Variants in MLXIPL observed in about 807,000 individuals in gnomAD.
MLXIPL encodes the protein carbohydrate-responsive element-binding protein.
A neutral mutation model predicts 81.5 loss-of-function variants in MLXIPL; 49 were observed. The observed-to-expected ratio is 0.60, with a 90% CI of 0.48 to 0.76. The LOEUF is 0.76. MLXIPL is among the 30% of genes least tolerant of loss of function. The pLI is 0.00. For synonymous variants in MLXIPL, 466 were observed against 485.5 expected (o/e 0.96, Z 0.53); for missense variants, 1,053 against 1,167.0 (o/e 0.90, Z 1.42).
chr7:73,639,434 G>A, the MLXIPL span, among the ~76,000 whole-genome samples: 4 of 152,166 alleles, frequency 2.6e-5, no homozygotes, highest in African/African-American at 9.7e-5. Flanking sequence ...GATACATTTT[G>A]ATAAATCCCT....
the MLXIPL span, among the ~76,000 whole-genome samples, chr7:73,629,974 T>TTTA: frequency 0.034 from 4,847 of 143,598 alleles, 94 homozygotes; most frequent in Non-Finnish European, 0.044. Flanking sequence ...TTTTTATTAT[T>TTTA]TTTATTTATT....
rs139124828 is a variant in MLXIPL at position 73,617,769 on chromosome 7, C to A, written c.294-1592G>T. ...GCGAGGTCAGAGGATTTCTTCAGCC[C>A]GGGAGTTTGAGGCTACAGTGAGCTA... On this transcript the variant is annotated intron_variant, in intron 1 of 16. Transcript: ENST00000313375. 8.0e-3 allele frequency among the ~76,000 whole-genome samples: 1,223 copies of A among 151,988 alleles called. 6 individuals carry two copies. The highest frequency in any genetic ancestry group is 0.012 in the Non-Finnish European group (820 of 67,970).
chr7:73,605,523 G>A (rs1795203980), intron 7 of MLXIPL, among the ~76,000 whole-genome samples, 165 bp downstream of exon 7: 1 of 152,072 alleles, frequency 6.6e-6, no homozygotes, highest in Non-Finnish European at 1.5e-5. Flanking sequence ...TGCAACCTTG[G>A]TGACAGAGTG....
At chr7:73,595,475 A>C (rs1794201407) in intron 15 of MLXIPL, among the ~76,000 whole-genome samples, 162 bp downstream of exon 15, 1 of 152,044 alleles carries the variant, frequency 6.6e-6, no homozygotes, top group Non-Finnish European at 1.5e-5. Context: ...GCTGGCCAAG[A>C]TGGCCAGGGC....
At chr7:73,619,726 C>G (rs549928645) in intron 1 of MLXIPL, among the ~76,000 whole-genome samples, 1 of 151,340 alleles carries the variant, frequency 6.6e-6, no homozygotes, top group African/African-American at 2.4e-5. Context: ...GTCAGGAGAT[C>G]GAGACCATCC....
chr7:73,624,557 C>G, upstream of MLXIPL: 1 of 1,459,756 alleles, frequency 6.9e-7, no homozygotes, highest in Admixed American at 2.6e-5. Context: ...TCTTGGCCAG[C>G]CGGGCCTCAT....
At chr7:73,629,791 T>C in the MLXIPL span, among the ~76,000 whole-genome samples, 1 of 152,030 alleles carries the variant, frequency 6.6e-6, no homozygotes, top group Non-Finnish European at 1.5e-5. Flanking sequence ...TGTGTGTATA[T>C]GTGGGTGTGT....
At chr7:73,638,896 T>C in the MLXIPL span, among the ~76,000 whole-genome samples, 10 of 152,136 alleles carry the variant, frequency 6.6e-5, no homozygotes, top group African/African-American at 2.4e-4. Context: ...ATTTCGGGCA[T>C]GAGCCACCAT....
chr7:73,605,383 A>G (rs1584107451), intron 7 of MLXIPL, among the ~76,000 whole-genome samples: 1 of 151,712 alleles, frequency 6.6e-6, no homozygotes, highest in South Asian at 2.1e-4. Flanking sequence ...ACATGGTGAA[A>G]CCCATCTCTA....
At chr7:73,597,092 C>T in intron 9 of MLXIPL, 90 bp downstream of exon 9, 1 of 1,474,464 alleles carries the variant, frequency 6.8e-7, no homozygotes, top group Non-Finnish European at 9.2e-7. Flanking sequence ...CCTGCCCCTT[C>T]ACCTTCATCT....
chr7:73,636,433 G>A, the MLXIPL span, among the ~76,000 whole-genome samples: 1 of 151,688 alleles, frequency 6.6e-6, no homozygotes, highest in South Asian at 2.1e-4. Context: ...AAGACGAAGT[G>A]AGAATTAGTC....
chr7:73,607,308 C>T (rs1795363806), intron 4 of MLXIPL, 23 bp downstream of exon 4: 2 of 1,550,860 alleles, frequency 1.3e-6, no homozygotes, highest in East Asian at 2.4e-5. Context: ...GCTCTGGGGC[C>T]TCCCTGGCCC....
At chr7:73,632,743 T>TTTCCTTCC in the MLXIPL span, among the ~76,000 whole-genome samples, 5,097 of 133,750 alleles carry the variant, frequency 0.038, 155 homozygotes, top group East Asian at 0.076. Context: ...TCCTTCCTTC[T>TTTCCTTCC]TTCCTTCCTT....
At chr7:73,634,831 T>TATTATTATTATTATTATTA in the MLXIPL span, among the ~76,000 whole-genome samples, 6 of 150,480 alleles carry the variant, frequency 4.0e-5, no homozygotes, top group Admixed American at 1.3e-4. Context: ...TTATTATTAT[T>TATTATTATTATTATTATTA]TTGAGACGGA....
chr7:73,597,597 C>A lies in MLXIPL; in HGVS notation c.1188G>T (p.Leu396=), dbSNP rs1554594768. 8.2e-7 allele frequency: 1 copy of A among 1,215,684 alleles called. No individual in the cohort carries two copies. The highest frequency in any genetic ancestry group is 3.4e-5 in the South Asian group (1 of 29,500). The allele number at this position is 1,215,684 out of a possible 1,614,324, so 75.3% of individuals were successfully genotyped here. A position where few individuals can be genotyped will look rare whatever the true frequency, so the allele number is the denominator to read the frequency against. Residue 396 remains leucine, a synonymous_variant, in exon 9 of 17, where the codon CTG becomes CTT. Transcript: ENST00000313375. ...GCACCTTGGCAGGGGGAGGGTAATG[C>A]AGCAGAGGTGGGGGTACAGGAGGGG... ...LPPPPVPPPL[L]HYPPPAKVPG... is the part of the protein sequence containing the mutation.
chr7:73,597,379 G>T lies in MLXIPL; in HGVS notation c.1406C>A (p.Pro469His), dbSNP rs781843857. 3.4e-6 allele frequency: 5 copies of T among 1,457,214 alleles called. No homozygotes were observed. The highest frequency in any genetic ancestry group is 4.9e-5 in the East Asian group (2 of 40,464). The allele number at this position is 1,457,214 out of a possible 1,614,324, so 90.3% of individuals were successfully genotyped here. A position where few individuals can be genotyped will look rare whatever the true frequency, so the allele number is the denominator to read the frequency against. ...CAAGGGTAGAAGCTCTATGGGGAAG[G>T]GGGTGGGGGCTGGGCTGGGGACAGA... is the stretch of plus-strand genomic sequence containing the variant. ...PQSVPSPAPT[P>H]FPIELLPLGY... The change falls in exon 9 of 17, where the codon CCC (proline) becomes CAC (histidine). Residue 469 changes from proline to histidine, a missense_variant. Coordinates refer to ENST00000313375, the MANE Select transcript of MLXIPL (RefSeq NM_032951.3).
chr7:73,630,947 G>T, the MLXIPL span, among the ~76,000 whole-genome samples: 1 of 152,094 alleles, frequency 6.6e-6, no homozygotes, highest in African/African-American at 2.4e-5. Flanking sequence ...CACTGGAGAT[G>T]CCCCGGATGC....
At chr7:73,629,932 C>G in the MLXIPL span, among the ~76,000 whole-genome samples, 2 of 152,166 alleles carry the variant, frequency 1.3e-5, no homozygotes, top group East Asian at 3.9e-4. Flanking sequence ...AGCAGGTCCG[C>G]AGGATCTTCA....
chr7:73,597,217 C>T lies in MLXIPL; in HGVS notation c.1568G>A (p.Ser523Asn), dbSNP rs1554594500. Residue 523 changes from serine to asparagine, a missense_variant, in exon 9 of 17, where the codon AGC (serine) becomes AAC (asparagine). Physicochemically the swap from Ser to Asn is conservative, Grantham distance 46. This residue lies in a region of MLXIPL where 823 missense variants were observed against 933.0 expected (regional missense o/e 0.88). Transcript: ENST00000313375. ...CAGCTGTGTGAGGCAGGGGTTGTTGCTCCCCGCAGTGGTGGGGGGACTGGC... is the reference window on the plus strand; with the variant it reads ...CAGCTGTGTGAGGCAGGGGTTGTTGTTCCCCGCAGTGGTGGGGGGACTGGC... ...ATASPPTTAG[S>N]NNPCLTQLLT... 3.1e-6 allele frequency: 5 copies of T among 1,605,038 alleles called. No homozygotes were observed. In the African/African-American group the frequency reaches 4.0e-5, roughly 13 times the overall value.
Sources: gnomAD v4.1 joint callset for allele counts (sites outside exome capture counted in the v4.1 genomes callset) on GRCh38, gnomAD v4.1.1 for gene constraint, gnomAD v4.1.1 regional missense constraint, MANE v1.5 for transcripts, NCBI Gene and HGNC (gene_info 2026-07-23, HGNC 2026-07-21) for gene names.